The following SRPK2 variants were observed in gnomAD, a reference collection of about 807,000 sequenced individuals.
The protein encoded by SRPK2 is SRSF protein kinase 2.
A neutral mutation model predicts 90.8 loss-of-function variants in SRPK2; 21 were observed. The ratio of observed to expected loss-of-function variants is 0.23; its 90% CI spans 0.16 to 0.33. The LOEUF (loss-of-function observed/expected upper bound fraction) is 0.33. Ranked by LOEUF, SRPK2 falls within the 10% of genes least tolerant of loss-of-function variation. The probability of loss-of-function intolerance (pLI) is 1.00; values close to 1 mark genes in which losing one functional copy is unlikely to be tolerated. For synonymous variants in SRPK2, 288 were observed against 311.1 expected (o/e 0.93, Z 0.78); for missense variants, 620 against 869.0 (o/e 0.71, Z 3.60).
chr7:105,297,473 T>C, intron 2 of SRPK2: 1 of 985,420 alleles, frequency 1.0e-6, no homozygotes, highest in South Asian at 4.7e-5. Context: ...CCTGATATGG[T>C]GGCCATCTGG....
intron 2 of SRPK2, among the ~76,000 whole-genome samples, chr7:105,354,380 TTTC>T (rs1355964392): frequency 1.3e-5 from 2 of 152,204 alleles, no homozygotes; most frequent in East Asian, 3.8e-4. Flanking sequence ...GAGATGCTTT[TTTC>T]CTCCTGCACA....
At chr7:105,377,584 G>T (rs1820453943) in intron 2 of SRPK2, among the ~76,000 whole-genome samples, 2 of 152,030 alleles carry the variant, frequency 1.3e-5, no homozygotes, top group African/African-American at 4.8e-5. Flanking sequence ...TGTAATCCCA[G>T]CTACTCAGGA....
At chr7:105,351,045 T>A (rs1817113032) in intron 2 of SRPK2, among the ~76,000 whole-genome samples, 2 of 152,192 alleles carry the variant, frequency 1.3e-5, no homozygotes, top group Admixed American at 6.6e-5. Flanking sequence ...GTGGGTATTA[T>A]GAGGCAGGTC....
intron 2 of SRPK2, among the ~76,000 whole-genome samples, chr7:105,379,405 G>C (rs1820678547): frequency 6.6e-6 from 1 of 152,072 alleles, no homozygotes; most frequent in Non-Finnish European, 1.5e-5. Flanking sequence ...AGTATCCTCA[G>C]ACTTTGTTAT....
At chr7:105,287,057 C>T (rs1200836806) in intron 2 of SRPK2, among the ~76,000 whole-genome samples, 2 of 150,908 alleles carry the variant, frequency 1.3e-5, no homozygotes, top group East Asian at 4.0e-4. Flanking sequence ...GTCAGGAGAT[C>T]GAGACCATCC....
At chr7:105,160,894 G>C (rs1360877008) in intron 6 of SRPK2, among the ~76,000 whole-genome samples, 1 of 152,060 alleles carries the variant, frequency 6.6e-6, no homozygotes, top group Non-Finnish European at 1.5e-5. Context: ...AACTGGTGTA[G>C]TATATACATA....
chr7:105,186,267 G>T (rs1474729966), intron 3 of SRPK2, among the ~76,000 whole-genome samples: 2 of 152,118 alleles, frequency 1.3e-5, no homozygotes, highest in African/African-American at 4.8e-5. Context: ...CAATGGTGGG[G>T]TTTGGGCTTC....
chr7:105,300,697 T>C (rs986196636), intron 2 of SRPK2, among the ~76,000 whole-genome samples: 3 of 152,066 alleles, frequency 2.0e-5, no homozygotes, highest in Non-Finnish European at 4.4e-5. Flanking sequence ...CATCAAAAAG[T>C]GGGCAACGGA....
At chr7:105,243,949 G>A (rs1350755419) in intron 2 of SRPK2, among the ~76,000 whole-genome samples, 1 of 152,192 alleles carries the variant, frequency 6.6e-6, no homozygotes, top group Non-Finnish European at 1.5e-5. Context: ...CTGAGTTGGA[G>A]TCCCAACTCT....
intron 2 of SRPK2, among the ~76,000 whole-genome samples, chr7:105,252,749 T>C (rs888921038): frequency 0.17 from 1,414 of 8,364 alleles, 7 homozygotes; most frequent in Non-Finnish European, 0.28. Context: ...TTTTTTTTCT[T>C]TTTTTTTTTT....
chr7:105,191,050 A>C (rs1333193976), intron 3 of SRPK2, among the ~76,000 whole-genome samples: 4 of 152,228 alleles, frequency 2.6e-5, no homozygotes, highest in Non-Finnish European at 5.9e-5. Context: ...ATAAGATACA[A>C]AATTAGAAAG....
intron 2 of SRPK2, among the ~76,000 whole-genome samples, chr7:105,216,721 T>C (rs1797520415): frequency 6.6e-6 from 1 of 150,980 alleles, no homozygotes; most frequent in Admixed American, 6.6e-5. Context: ...GTTACAGTCA[T>C]GGTAAAGTTG....
In SRPK2 at chr7:105,291,101, G is replaced by A. The variant is rs116657462; in HGVS notation, c.72-87316C>T. 1.6e-3 allele frequency among the ~76,000 whole-genome samples: 243 copies of A among 150,276 alleles called. 1 individual carries two copies. Among genetic ancestry groups the A allele is most frequent in the African/African-American group, 5.6e-3 (230 of 41,006 alleles). On this transcript the variant is annotated intron_variant, in intron 2 of 15. Coordinates refer to ENST00000393651, the MANE Select transcript of SRPK2 (RefSeq NM_182692.3). ...CTGGGACCATTCTAAACAAAAAATG[G>A]CACATCCAAAGCTACAGAGAACCTA...
chr7:105,293,498 C>A (rs1468500421), intron 2 of SRPK2, among the ~76,000 whole-genome samples: 1 of 151,986 alleles, frequency 6.6e-6, no homozygotes, highest in African/African-American at 2.4e-5. Context: ...CCCCTCCACC[C>A]CCCACCCCGC....
chr7:105,205,171 T>C (rs990420201), intron 2 of SRPK2, among the ~76,000 whole-genome samples: 1 of 151,972 alleles, frequency 6.6e-6, no homozygotes, highest in Non-Finnish European at 1.5e-5. Context: ...CTAATGCATG[T>C]GGCTTGCCAA....
intron 2 of SRPK2, among the ~76,000 whole-genome samples, chr7:105,367,073 T>G (rs552763400): frequency 2.6e-5 from 4 of 151,984 alleles, no homozygotes; most frequent in East Asian, 1.9e-4. Flanking sequence ...TTTTGTTTTT[T>G]TTTTTGTTTG....
chr7:105,143,236 T>A lies in SRPK2; in HGVS notation c.908A>T (p.Glu303Val). Reference sequence around the variant, plus strand: ...TTTCCTTTCAGCTTCTCGCTCCAATTCTTCTATCTCCTGCAGGCGCTTCTC... The same window carrying A: ...TTTCCTTTCAGCTTCTCGCTCCAATACTTCTATCTCCTGCAGGCGCTTCTC... ...LLEKRLQEIE[E>V]LEREAERKII... The change falls in exon 10 of 16, where the codon GAA becomes GTA. Residue 303 changes from glutamate (E) to valine (V), a missense_variant. Glu to Val is a moderately radical substitution (Grantham distance 121). This residue lies in a region of SRPK2 where 196 missense variants were observed against 339.2 expected (regional missense o/e 0.58). Transcript: ENST00000393651. The A allele has an allele frequency of 6.2e-7, 1 of 1,614,208 alleles. No individual in the cohort carries two copies. The highest frequency in any genetic ancestry group is 8.5e-7 in the Non-Finnish European group (1 of 1,180,032).
chr7:105,354,826 C>T (rs1817603821), intron 2 of SRPK2, among the ~76,000 whole-genome samples: 1 of 152,134 alleles, frequency 6.6e-6, no homozygotes, highest in African/African-American at 2.4e-5. Context: ...ACAACCATTA[C>T]CAAAATCAAT....
At chr7:105,315,728 G>T (rs907774014) in intron 2 of SRPK2, among the ~76,000 whole-genome samples, 1 of 152,140 alleles carries the variant, frequency 6.6e-6, no homozygotes, top group African/African-American at 2.4e-5. Context: ...TATTACACAC[G>T]TGTGTTCTCA....
Sources: allele counts gnomAD v4.1 joint callset (sites outside exome capture counted in the v4.1 genomes callset), GRCh38; gene constraint gnomAD v4.1.1; regional missense constraint gnomAD v4.1.1; transcripts MANE v1.5; gene names NCBI Gene and HGNC (gene_info 2026-07-23, HGNC 2026-07-21).